Variants in MCF2L observed in about 807,000 individuals in gnomAD.
The protein encoded by MCF2L is guanine nucleotide exchange factor DBS.
MCF2L carries 97 observed loss-of-function variants against 153.4 expected under a neutral mutation model. The ratio of observed to expected loss-of-function variants is 0.63; its 90% CI spans 0.54 to 0.75. The LOEUF (loss-of-function observed/expected upper bound fraction) is 0.75. Ranked by LOEUF, MCF2L falls within the 30% of genes least tolerant of loss-of-function variation. The pLI is 0.00. For missense variants in MCF2L, 1,347 were observed against 1,495.2 expected, an observed-to-expected ratio of 0.90 and a Z score of 1.64; for synonymous variants, 659 against 632.2, an observed-to-expected ratio of 1.04 and a Z score of -0.64.
intron 2 of MCF2L, among the ~76,000 whole-genome samples, chr13:112,921,304 A>T (rs921968105): frequency 1.3e-5 from 2 of 152,258 alleles, no homozygotes; most frequent in African/African-American, 4.8e-5. Context: ...AGAGGTTGCA[A>T]GTTTGATGCC....
intron 7 of MCF2L, 48 bp downstream of exon 7, chr13:113,065,133 T>C: frequency 6.3e-7 from 1 of 1,597,676 alleles, no homozygotes; most frequent in Non-Finnish European, 8.5e-7. Flanking sequence ...CTCCGGTCAG[T>C]CAGAAGCTGC....
intron 1 of MCF2L, among the ~76,000 whole-genome samples, chr13:112,972,876 G>A (rs1457159716): frequency 6.7e-6 from 1 of 150,356 alleles, no homozygotes; most frequent in Non-Finnish European, 1.5e-5. Flanking sequence ...CAAAAGCTGT[G>A]TGCTGCCTCC....
chr13:112,974,839 G>A (rs548036011), intron 1 of MCF2L, among the ~76,000 whole-genome samples: 2 of 152,182 alleles, frequency 1.3e-5, no homozygotes, highest in Non-Finnish European at 2.9e-5. Context: ...AGACTCTAGG[G>A]TCTACTGACT....
At chr13:112,975,399 G>C (rs535158209) in intron 1 of MCF2L, among the ~76,000 whole-genome samples, 6 of 152,240 alleles carry the variant, frequency 3.9e-5, no homozygotes, top group Non-Finnish European at 8.8e-5. Flanking sequence ...TCAAACCCCA[G>C]CTCTGCCATC....
At chr13:112,942,317 C>T (rs1427306289) in intron 2 of MCF2L, among the ~76,000 whole-genome samples, 1 of 152,244 alleles carries the variant, frequency 6.6e-6, no homozygotes, top group African/African-American at 2.4e-5. Flanking sequence ...CCTCTCTCTG[C>T]CTCGGCTGCC....
chr13:113,006,360 A>T (rs2083694575), intron 1 of MCF2L, among the ~76,000 whole-genome samples: 1 of 152,154 alleles, frequency 6.6e-6, no homozygotes, highest in Non-Finnish European at 1.5e-5. Context: ...CATGCTCCCT[A>T]GGTCCTCGCG....
At chr13:113,094,438 A>C in intron 26 of MCF2L, 76 bp from the exon 27 acceptor site, 1 of 1,492,672 alleles carries the variant, frequency 6.7e-7, no homozygotes, top group Non-Finnish European at 9.0e-7. Flanking sequence ...TGTGGGACTT[A>C]GCTGACCCCA....
chr13:113,081,776 C>T lies in MCF2L; in HGVS notation c.1875+497C>T, dbSNP rs1048949160. Among the ~76,000 whole-genome samples the T allele has an allele frequency of 6.6e-4, 101 of 152,276 alleles. 1 individual carries two copies. Among genetic ancestry groups the T allele is most frequent in the Middle Eastern group, 3.4e-3 (1 of 294 alleles). ...CACCTGAGTGTAGACAGCGAGTGTG[C>T]ACAGGTGGTGGTCACTTGAGTGTAG... On this transcript the variant is annotated intron_variant, in intron 16 of 29. Transcript: ENST00000535094.
intron 1 of MCF2L, among the ~76,000 whole-genome samples, chr13:113,004,332 T>C (rs1171873521): frequency 6.6e-6 from 1 of 152,204 alleles, no homozygotes; most frequent in Non-Finnish European, 1.5e-5. Flanking sequence ...TGGCCTCTTG[T>C]TGAGCGCACC....
intron 1 of MCF2L, among the ~76,000 whole-genome samples, chr13:113,011,629 GTGGA>G (rs2084115213): frequency 2.0e-5 from 3 of 150,106 alleles, no homozygotes; most frequent in South Asian, 2.2e-4. Context: ...GACAGGTGGT[GTGGA>G]CGGTGGACAG....
intron 2 of MCF2L, among the ~76,000 whole-genome samples, chr13:112,934,710 G>A (rs1310463999): frequency 6.6e-6 from 1 of 152,230 alleles, no homozygotes; most frequent in Admixed American, 6.5e-5. Flanking sequence ...GGTCACGTGT[G>A]CTGGGGCTGT....
At position 112,943,112 on chromosome 13, in the gene MCF2L, G is replaced by A. The variant is rs553777232; in HGVS notation, c.169+40741G>A. ...GCAAAAACCTGGTAAACTTTGAGGT[G>A]AAGGCTGTCAGAAACAGCTGCGAGG... On this transcript the variant is annotated intron_variant, in intron 2 of 29. Transcript: ENST00000375608. This position sits in a 1 kb window ranked among gnomAD's most constrained non-coding sequence, Gnocchi z 4.2. Among the ~76,000 whole-genome samples the A allele has an allele frequency of 6.6e-6, 1 of 152,356 alleles. No individual in the cohort carries two copies. Among genetic ancestry groups the A allele is most frequent in the South Asian group, 2.1e-4 (1 of 4,832 alleles).
At chr13:113,078,873 C>G (rs770770233) in intron 15 of MCF2L, 134 bp downstream of exon 15, 172 of 851,874 alleles carry the variant, frequency 2.0e-4, no homozygotes, top group Middle Eastern at 6.8e-4. Context: ...CTTACTTTTG[C>G]ACCAACCGAT....
In MCF2L at chr13:113,084,053, T is replaced by G; in HGVS notation, c.2047T>G (p.Cys683Gly). 1 of 1,613,978 alleles carries G rather than the reference T, an allele frequency of 6.2e-7. No homozygotes were observed. Residue 683 changes from cysteine (C) to glycine (G), a missense_variant, in exon 18 of 30, where the codon TGC (cysteine) becomes GGC (glycine). By Grantham distance (159) the Cys-to-Gly change is radical. Around this residue, in one of 3 missense-constraint regions of MCF2L, gnomAD observed 820 missense variants for 921.2 expected, o/e 0.89. Transcript: ENST00000535094. Reference sequence around the variant, plus strand: ...TGACTGCCCAGAACTGGTTGGAAGATGCTTTCTGGAGAGGGTAGGTGGTGT... The same window carrying G: ...TGACTGCCCAGAACTGGTTGGAAGAGGCTTTCTGGAGAGGGTAGGTGGTGT... The part of the protein sequence containing the change: ...YTDCPELVGR[C>G]FLERMEDFQI...
At chr13:112,985,337 G>A (rs533909508) in intron 1 of MCF2L, 9 of 462,210 alleles carry the variant, frequency 1.9e-5, no homozygotes, top group Non-Finnish European at 4.0e-5. Flanking sequence ...GAGGGTTGTG[G>A]CGAGCCCAGG....
At chr13:112,985,304 A>G (rs907533085) in intron 1 of MCF2L, 23 of 435,096 alleles carry the variant, frequency 5.3e-5, no homozygotes, top group Non-Finnish European at 8.1e-5. Context: ...AAAGTTCAGC[A>G]TAGAAAGGTC....
At chr13:113,069,785 C>G (rs1201707326) in intron 8 of MCF2L, among the ~76,000 whole-genome samples, 1 of 152,152 alleles carries the variant, frequency 6.6e-6, no homozygotes, top group Admixed American at 6.5e-5. Flanking sequence ...ACAAACTCGG[C>G]GGCTCAGCCT....
At position 112,999,808 on chromosome 13, in the gene MCF2L, C is replaced by A. The variant is rs910340112; in HGVS notation, c.80-14955C>A. ...ACCGTGATCTGCTCCTGTGCCCCTG[C>A]CGCCTGATAATGTAGGAGTTGTGCC... On this transcript the variant is annotated intron_variant, in intron 1 of 29. Coordinates refer to ENST00000535094, the MANE Select transcript of MCF2L (RefSeq NM_001112732.3). Among the ~76,000 whole-genome samples, 3 of 152,368 alleles carry A rather than the reference C, an allele frequency of 2.0e-5. No individual in the cohort carries two copies. The South Asian group carries it at 6.2e-4, about 32-fold the overall frequency.
intron 2 of MCF2L, among the ~76,000 whole-genome samples, chr13:112,914,908 G>A (rs1272974892): frequency 6.6e-6 from 1 of 151,256 alleles, no homozygotes; most frequent in Non-Finnish European, 1.5e-5. Context: ...ATATGTAGTT[G>A]AATCTCAGTA....
Sources: gnomAD v4.1 joint callset for allele counts (sites outside exome capture counted in the v4.1 genomes callset) on GRCh38, gnomAD v4.1.1 for gene constraint, gnomAD v4.1.1 regional missense constraint, Gnocchi (gnomAD v3.1) non-coding constraint, MANE v1.5 for transcripts, NCBI Gene and HGNC (gene_info 2026-07-23, HGNC 2026-07-21) for gene names.